The following COL24A1 variants were observed in gnomAD, a reference collection of about 807,000 sequenced individuals.
The protein encoded by COL24A1 is collagen alpha-1(XXIV) chain.
In COL24A1, 224 loss-of-function variants were observed where a neutral mutation model predicts 253.9. That is an observed-to-expected ratio of 0.88 (90% confidence interval 0.79 to 0.99). The LOEUF (loss-of-function observed/expected upper bound fraction) is 0.99, where lower values mean the gene tolerates loss of function less well. Ranked by LOEUF, COL24A1 falls within the 50% of genes least tolerant of loss-of-function variation. The pLI is 0.00. For missense variants in COL24A1, 2,131 were observed against 2,068.5 expected (o/e 1.03, Z -0.59); for synonymous variants, 685 against 673.7 (o/e 1.02, Z -0.26).
intron 32 of COL24A1, among the ~76,000 whole-genome samples, chr1:85,878,134 T>C (rs138887231): frequency 6.6e-6 from 1 of 152,344 alleles, no homozygotes; most frequent in Admixed American, 6.5e-5. Context: ...TCATTGGACA[T>C]TGTTTTAGTT....
At chr1:85,986,692 C>A (rs1693750933) in intron 20 of COL24A1, among the ~76,000 whole-genome samples, 1 of 151,784 alleles carries the variant, frequency 6.6e-6, no homozygotes, top group African/African-American at 2.4e-5. Flanking sequence ...GAGATAATGT[C>A]TATGAAGCAT....
chr1:85,844,839 C>T (rs530416361), intron 39 of COL24A1, among the ~76,000 whole-genome samples: 2 of 151,952 alleles, frequency 1.3e-5, no homozygotes, highest in African/African-American at 4.8e-5. Flanking sequence ...ACATTTGGCT[C>T]AGATTGTTTT....
chr1:85,994,660 G>A (rs1694604757), intron 19 of COL24A1, among the ~76,000 whole-genome samples: 1 of 152,152 alleles, frequency 6.6e-6, no homozygotes, highest in African/African-American at 2.4e-5. Flanking sequence ...AGCCTTTACT[G>A]AGTGAGAATA....
At chr1:85,768,597 G>T (rs372161476) in intron 53 of COL24A1, among the ~76,000 whole-genome samples, 4,272 of 142,862 alleles carry the variant, frequency 0.03, 216 homozygotes, top group African/African-American at 0.1. Flanking sequence ...CGGGGGGAGG[G>T]CTTATTTCTT....
intron 28 of COL24A1, among the ~76,000 whole-genome samples, chr1:85,900,802 C>G (rs1253476799): frequency 3.3e-5 from 5 of 152,032 alleles, no homozygotes; most frequent in Admixed American, 6.6e-5. Context: ...GCCAAGAGCA[C>G]ACAATGGGGA....
intron 32 of COL24A1, among the ~76,000 whole-genome samples, chr1:85,884,959 T>C (rs1051806818): frequency 6.6e-6 from 1 of 152,052 alleles, no homozygotes; most frequent in African/African-American, 2.4e-5. Context: ...CTCAAGCTGG[T>C]CTACACTGAG....
chr1:85,783,065 C>T (rs1558106612), intron 51 of COL24A1, among the ~76,000 whole-genome samples: 1 of 152,108 alleles, frequency 6.6e-6, no homozygotes, highest in African/African-American at 2.4e-5. Flanking sequence ...GGGATACCTG[C>T]CCCTGAGCTG....
chr1:86,046,775 C>A (rs1441457600), intron 12 of COL24A1, 50 bp downstream of exon 12: 1 of 1,598,028 alleles, frequency 6.3e-7, no homozygotes, highest in African/African-American at 1.3e-5. Flanking sequence ...GAACACATAA[C>A]CAGGTTATAT....
At chr1:85,869,644 T>C (rs775534514) in intron 35 of COL24A1, among the ~76,000 whole-genome samples, 1 of 152,074 alleles carries the variant, frequency 6.6e-6, no homozygotes, top group Admixed American at 6.6e-5. Flanking sequence ...GACAAACAAA[T>C]GCTGAGAGAT....
intron 47 of COL24A1, among the ~76,000 whole-genome samples, chr1:85,802,716 G>A (rs1302537356): frequency 6.6e-6 from 1 of 151,918 alleles, no homozygotes; most frequent in Non-Finnish European, 1.5e-5. Flanking sequence ...CTATTCCTTT[G>A]TAAACCCTCC....
chr1:85,920,064 C>T (rs1428576759), intron 24 of COL24A1, among the ~76,000 whole-genome samples: 1 of 152,056 alleles, frequency 6.6e-6, no homozygotes, highest in Non-Finnish European at 1.5e-5. Flanking sequence ...GTTCATGTAA[C>T]AGATCCTGTG....
At position 85,737,394 on chromosome 1, in the gene COL24A1, AC is replaced by A; in HGVS notation, c.4782+1del. 6.2e-7 allele frequency: 1 copy of A among 1,603,032 alleles called. No homozygotes were observed. Among genetic ancestry groups the A allele is most frequent in the Non-Finnish European group, 8.5e-7 (1 of 1,171,698 alleles). On this transcript the variant is annotated splice_donor_variant, in intron 58 of 59. Transcript: ENST00000370571. LOFTEE classifies it high-confidence loss of function. ...CATGTGTTCTAAAATTCAGTAACAT[AC>A]CTTTGTTACAGAAACAGGAGGTAAG...
At chr1:86,027,389 T>C (rs1020879784) in intron 14 of COL24A1, among the ~76,000 whole-genome samples, 1 of 152,160 alleles carries the variant, frequency 6.6e-6, no homozygotes, top group African/African-American at 2.4e-5. Context: ...AAAAAGGTTT[T>C]TGGGCTGGGC....
Position 86,128,838 on chromosome 1 carries a change from C to T in COL24A1, c.122-2624G>A, listed in dbSNP as rs748510321. On this transcript the variant is annotated intron_variant, in intron 2 of 59. Transcript: ENST00000370571. ...CTAAAATAAAATCTTATTAGTTTTA[C>T]GTTATTCTTTTGGTATCTCACTGGA... is the stretch of plus-strand genomic sequence containing the variant. Among the ~76,000 whole-genome samples the T allele has an allele frequency of 5.3e-5, 8 of 151,700 alleles. No homozygotes were observed. In the East Asian group the frequency reaches 7.7e-4, roughly 15 times the overall value.
chr1:85,796,244 T>C (rs1232263721), intron 47 of COL24A1, among the ~76,000 whole-genome samples: 2 of 152,232 alleles, frequency 1.3e-5, no homozygotes, highest in Non-Finnish European at 2.9e-5. Flanking sequence ...AATCTCTTGC[T>C]CAACCTTAAT....
chr1:86,100,389 G>A lies in COL24A1; in HGVS notation c.1600-8069C>T, dbSNP rs117558703. Reference sequence around the variant, plus strand: ...CCTGAAGTTCAATTCTGTAAGGAAGGGAGGCAATTTTTAAAAGTTTGCTTC... The same window carrying A: ...CCTGAAGTTCAATTCTGTAAGGAAGAGAGGCAATTTTTAAAAGTTTGCTTC... On this transcript the variant is annotated intron_variant, in intron 5 of 59. Coordinates refer to ENST00000370571, the MANE Select transcript of COL24A1 (RefSeq NM_152890.7). Among the ~76,000 whole-genome samples, 1,449 of 152,022 alleles carry A rather than the reference G, an allele frequency of 9.5e-3. 12 individuals carry two copies. The highest frequency in any genetic ancestry group is 0.054 in the Middle Eastern group (16 of 294).
At chr1:85,889,487 G>A (rs1266576869) in intron 32 of COL24A1, 73 bp downstream of exon 32, 3 of 1,278,920 alleles carry the variant, frequency 2.3e-6, no homozygotes, top group African/African-American at 1.5e-5. Flanking sequence ...TCACAGCACA[G>A]CAGAGCAATA....
chr1:85,803,991 A>G (rs1266381985), intron 47 of COL24A1, among the ~76,000 whole-genome samples: 1 of 152,214 alleles, frequency 6.6e-6, no homozygotes, highest in Non-Finnish European at 1.5e-5. Context: ...TTGCCTCACA[A>G]AGACCTACAT....
chr1:85,831,151 C>G (rs116801897), intron 43 of COL24A1, among the ~76,000 whole-genome samples: 1 of 152,010 alleles, frequency 6.6e-6, no homozygotes, highest in Non-Finnish European at 1.5e-5. Flanking sequence ...TGATCACACA[C>G]GAGCCTTAGC....
Sources: allele counts gnomAD v4.1 joint callset (sites outside exome capture counted in the v4.1 genomes callset), GRCh38; gene constraint gnomAD v4.1.1; transcripts MANE v1.5; gene names NCBI Gene and HGNC (gene_info 2026-07-23, HGNC 2026-07-21).